Variants in CELA2B observed in about 807,000 individuals in gnomAD.
CELA2B encodes the protein chymotrypsin-like elastase family member 2B.
CELA2B carries 27 observed loss-of-function variants against 36.5 expected under a neutral mutation model. The ratio of observed to expected loss-of-function variants is 0.74; its 90% CI spans 0.55 to 1.02. The LOEUF (loss-of-function observed/expected upper bound fraction) is 1.02. CELA2B is among the 50% of genes least tolerant of loss of function. The probability of loss-of-function intolerance (pLI) is 0.00; values close to 1 mark genes in which losing one functional copy is unlikely to be tolerated. For missense variants in CELA2B, 340 were observed against 347.8 expected (o/e 0.98, Z 0.18); for synonymous variants, 143 against 148.5 (o/e 0.96, Z 0.27).
At chr1:15,478,227 T>C (rs1303323446) in intron 2 of CELA2B, among the ~76,000 whole-genome samples, 10 of 149,928 alleles carry the variant, frequency 6.7e-5, no homozygotes, top group African/African-American at 9.9e-5. Flanking sequence ...TTGGGATATA[T>C]AGTTTGTTTG....
intron 1 of CELA2B, 73 bp downstream of exon 1, chr1:15,476,238 C>T (rs1395117929): frequency 1.3e-6 from 2 of 1,597,358 alleles, no homozygotes; most frequent in Non-Finnish European, 1.7e-6. Flanking sequence ...TCCTGTCCTC[C>T]CCTCTCGCCC....
At chr1:15,484,527 T>C (rs1708780939) in intron 5 of CELA2B, among the ~76,000 whole-genome samples, 1 of 152,230 alleles carries the variant, frequency 6.6e-6, no homozygotes, top group South Asian at 2.1e-4. Flanking sequence ...CATTGCCCTC[T>C]TGACTGGCTT....
At chr1:15,482,949 G>A (rs796892927) in intron 4 of CELA2B, among the ~76,000 whole-genome samples, 6 of 151,450 alleles carry the variant, frequency 4.0e-5, no homozygotes, top group African/African-American at 9.7e-5. Flanking sequence ...CCACAGGCCC[G>A]GCTAATCTTT....
chr1:15,480,366 C>T (rs1210841377), intron 2 of CELA2B, among the ~76,000 whole-genome samples: 1 of 152,150 alleles, frequency 6.6e-6, no homozygotes, highest in African/African-American at 2.4e-5. Flanking sequence ...TGCACCACCA[C>T]ACCCAGTGGC....
At chr1:15,481,903 T>G (rs1033104730) in intron 3 of CELA2B, among the ~76,000 whole-genome samples, 4 of 152,112 alleles carry the variant, frequency 2.6e-5, no homozygotes, top group South Asian at 4.1e-4. Flanking sequence ...GACCAGTTAC[T>G]CCTCTCTGGG....
chr1:15,488,509 C>T (rs1708833412), intron 7 of CELA2B, among the ~76,000 whole-genome samples: 1 of 152,168 alleles, frequency 6.6e-6, no homozygotes, highest in African/African-American at 2.4e-5. Flanking sequence ...CAGGAGAGGG[C>T]AGAGGAGACA....
intron 6 of CELA2B, 26 bp downstream of exon 6, chr1:15,486,072 G>A (rs764666444): frequency 8.1e-6 from 13 of 1,603,778 alleles, no homozygotes; most frequent in Middle Eastern, 1.7e-4. Flanking sequence ...CAGGGGCCCC[G>A]CTCCATGACA....
intron 2 of CELA2B, among the ~76,000 whole-genome samples, chr1:15,478,555 AT>A (rs1708700695): frequency 8.0e-6 from 1 of 124,324 alleles, no homozygotes; most frequent in South Asian, 2.5e-4. Flanking sequence ...GAGGAATAAT[AT>A]TTTAATGCAT....
intron 6 of CELA2B, among the ~76,000 whole-genome samples, chr1:15,486,651 C>T (rs1236853364): frequency 6.6e-6 from 1 of 152,164 alleles, no homozygotes; most frequent in Non-Finnish European, 1.5e-5. Flanking sequence ...GAAAGTATTC[C>T]CTGGCTTAAG....
chr1:15,479,839 C>G (rs1358561709), intron 2 of CELA2B, among the ~76,000 whole-genome samples: 1 of 152,136 alleles, frequency 6.6e-6, no homozygotes, highest in Non-Finnish European at 1.5e-5. Flanking sequence ...GGAGGAAGAG[C>G]CAGTGCAAAG....
Position 15,481,171 on chromosome 1 carries a change from T to G in CELA2B, c.203T>G (p.Val68Gly), listed in dbSNP as rs1242613897. The change falls in exon 3 of 8, where the codon GTC becomes GGC. Residue 68 changes from valine (V) to glycine (G), a missense_variant. Transcript: ENST00000375910. ...GGGTCCCTGATAGCCAACAGCTGGG[T>G]CCTGACGGCTGCCCACTGCATCAGG... ...CGGSLIANSW[V>G]LTAAHCISSS... is the part of the protein sequence containing the mutation. 2 of 1,614,078 alleles carry G rather than the reference T, an allele frequency of 1.2e-6. No individual in the cohort carries two copies. The highest frequency in any genetic ancestry group is 8.5e-7 in the Non-Finnish European group (1 of 1,180,026).
chr1:15,487,562 G>A, intron 7 of CELA2B, 125 bp downstream of exon 7: 1 of 1,335,788 alleles, frequency 7.5e-7, no homozygotes, highest in Middle Eastern at 2.6e-4. Flanking sequence ...GAACCCCTTG[G>A]AGGAGGCTGC....
intron 5 of CELA2B, 73 bp downstream of exon 5, chr1:15,483,473 C>T: frequency 1.2e-6 from 2 of 1,605,280 alleles, no homozygotes; most frequent in Non-Finnish European, 1.7e-6. Flanking sequence ...GCCAGGGCCT[C>T]TCACCTCACA....
Position 15,491,380 on chromosome 1 carries a change from G to A in CELA2B, c.*68G>A, listed in dbSNP as rs1708891803. ...CAGAAGGAAAATAATATTATATAAA[G>A]TGACAACTATGCAAATCACATCTTG... On this transcript the variant is annotated 3_prime_UTR_variant, in exon 8 of 8. Coordinates refer to ENST00000375910, the MANE Select transcript of CELA2B (RefSeq NM_015849.3). 57 of 1,570,694 alleles carry A rather than the reference G, an allele frequency of 3.6e-5. 1 individual carries two copies. In the South Asian group the frequency reaches 6.0e-4, roughly 17 times the overall value.
intron 7 of CELA2B, among the ~76,000 whole-genome samples, chr1:15,488,079 A>T (rs1708827870): frequency 6.6e-6 from 1 of 152,218 alleles, no homozygotes; most frequent in Admixed American, 6.5e-5. Context: ...AACAATAAGC[A>T]TTAAAAATAT....
intron 5 of CELA2B, 90 bp downstream of exon 5, chr1:15,483,490 C>A (rs1172527850): frequency 1.3e-6 from 2 of 1,584,750 alleles, no homozygotes. Flanking sequence ...CACATGTTAT[C>A]CTGGGCATGT....
chr1:15,487,991 T>C lies in CELA2B; in HGVS notation c.792+554T>C, dbSNP rs542104029. Reference sequence around the variant, plus strand: ...GCTGAGTTGGTCCCCGTCTTGTAAATGTAAACTCAGAGAGCTGTCTCCTGT... The same window carrying C: ...GCTGAGTTGGTCCCCGTCTTGTAAACGTAAACTCAGAGAGCTGTCTCCTGT... On this transcript the variant is annotated intron_variant, in intron 7 of 7. Coordinates refer to ENST00000375910, the MANE Select transcript of CELA2B (RefSeq NM_015849.3). 2.6e-5 allele frequency among the ~76,000 whole-genome samples: 4 copies of C among 152,260 alleles called. No homozygotes were observed. In the South Asian group the frequency reaches 8.3e-4, roughly 32 times the overall value.
At chr1:15,487,189 C>A (rs1708814482) in intron 6 of CELA2B, 96 bp from the exon 7 acceptor site, 7 of 1,185,000 alleles carry the variant, frequency 5.9e-6, no homozygotes, top group Non-Finnish European at 8.7e-6. Context: ...AGGACAGTGA[C>A]CTGCAGCAGA....
chr1:15,476,561 T>C lies in CELA2B; in HGVS notation c.129+16T>C. On this transcript the variant is annotated intron_variant, in intron 2 of 7. Coordinates refer to ENST00000375910, the MANE Select transcript of CELA2B (RefSeq NM_015849.3). ...GCCCTGGCAGGTGAGTTGACCACAC[T>C]GTACTTCTCCCCGTCCCTGCCCCAC... The C allele has an allele frequency of 6.2e-7, 1 of 1,611,712 alleles. No homozygotes were observed. Among genetic ancestry groups the C allele is most frequent in the Middle Eastern group, 1.8e-4 (1 of 5,410 alleles).
Sources: allele counts gnomAD v4.1 joint callset (sites outside exome capture counted in the v4.1 genomes callset), GRCh38; gene constraint gnomAD v4.1.1; transcripts MANE v1.5; gene names NCBI Gene and HGNC (gene_info 2026-07-23, HGNC 2026-07-21).